HLCS: variants seen among roughly 807,000 people sequenced by gnomAD.
HLCS encodes the protein biotin--protein ligase.
In HLCS, 53 loss-of-function variants were observed where a neutral mutation model predicts 75.0. That is an observed-to-expected ratio of 0.71 (90% CI 0.57 to 0.89). The LOEUF (loss-of-function observed/expected upper bound fraction) is 0.89, where lower values mean the gene tolerates loss of function less well. Among genes scored for constraint, HLCS ranks in the 40% least tolerant of loss-of-function variants. HLCS has a pLI of 0.00. For missense variants in HLCS, 966 were observed against 1,074.0 expected (o/e 0.90, Z 1.41); for synonymous variants, 431 against 428.6 (o/e 1.01, Z -0.07).
intron 2 of HLCS, among the ~76,000 whole-genome samples, chr21:36,959,163 T>C (rs1024921018): frequency 3.3e-5 from 5 of 152,214 alleles, no homozygotes; most frequent in African/African-American, 1.2e-4. Flanking sequence ...CCCCACAGGC[T>C]TGGAAGTGCC....
At chr21:36,760,220 A>C (rs1843156824) in intron 8 of HLCS, among the ~76,000 whole-genome samples, 1 of 152,170 alleles carries the variant, frequency 6.6e-6, no homozygotes, top group Non-Finnish European at 1.5e-5. Context: ...AGAGAATAGT[A>C]ATCTCAGGGG....
chr21:36,938,944 A>T lies in HLCS; in HGVS notation c.381T>A (p.Asp127Glu). ...CCLPLACRPG[D>E]PYRLIAEASV... ...TTGCTTCAGCAATTAGCCGATAAGGATCCCCAGGTCTGCAAGCTAATGGCA... is the reference window on the plus strand; with the variant it reads ...TTGCTTCAGCAATTAGCCGATAAGGTTCCCCAGGTCTGCAAGCTAATGGCA... Residue 127 changes from aspartate to glutamate, a missense_variant, in exon 3 of 11, where the codon GAT becomes GAA. Coordinates refer to ENST00000674895, the MANE Select transcript of HLCS (RefSeq NM_001352514.2). 1 of 1,613,252 alleles carries T rather than the reference A, an allele frequency of 6.2e-7. No homozygotes were observed. Among genetic ancestry groups the T allele is most frequent in the Non-Finnish European group, 8.5e-7 (1 of 1,180,012 alleles).
At chr21:36,945,757 G>A (rs1038112874) in intron 2 of HLCS, among the ~76,000 whole-genome samples, 1 of 152,194 alleles carries the variant, frequency 6.6e-6, no homozygotes. Context: ...ACAACTTTGT[G>A]AATATACTAA....
chr21:36,980,095 G>A (rs2069072804), intron 1 of HLCS, among the ~76,000 whole-genome samples: 1 of 146,788 alleles, frequency 6.8e-6, no homozygotes. Context: ...GGCTGAAAAG[G>A]GAGGATTGCT....
At chr21:36,969,065 C>G (rs1285175863), upstream of HLCS, among the ~76,000 whole-genome samples, 1 of 152,084 alleles carries the variant, frequency 6.6e-6, no homozygotes, top group Non-Finnish European at 1.5e-5. Context: ...ATGAGCTGAC[C>G]CTTGCATTGA....
chr21:36,888,432 TAAAAAAA>T (rs1191691491), intron 6 of HLCS, among the ~76,000 whole-genome samples: 31 of 23,768 alleles, frequency 1.3e-3, no homozygotes, highest in South Asian at 4.4e-3. Flanking sequence ...CCTTCCCATT[TAAAAAAA>T]AAAAAAATAT....
At chr21:36,841,950 AT>A (rs746898803) in intron 6 of HLCS, among the ~76,000 whole-genome samples, 3 of 152,222 alleles carry the variant, frequency 2.0e-5, no homozygotes, top group Non-Finnish European at 4.4e-5. Context: ...TGACATATGC[AT>A]ACCTCACAAC....
intron 5 of HLCS, among the ~76,000 whole-genome samples, chr21:36,926,821 C>G (rs374057821): frequency 2.0e-5 from 3 of 148,880 alleles, no homozygotes; most frequent in African/African-American, 7.4e-5. Flanking sequence ...TAGCTCACTA[C>G]AGCCTCAACC....
intron 1 of HLCS, among the ~76,000 whole-genome samples, chr21:36,984,146 AT>A (rs904738982): frequency 6.6e-6 from 1 of 152,092 alleles, no homozygotes; most frequent in African/African-American, 2.4e-5. Context: ...GCCAAGAATG[AT>A]TTTTTTAAAT....
chr21:36,961,950 T>G (rs1380125795), intron 2 of HLCS, 86 bp downstream of exon 2: 3 of 721,590 alleles, frequency 4.2e-6, no homozygotes, highest in Non-Finnish European at 5.6e-6. Flanking sequence ...CAAGACTCTG[T>G]CTCAGGAAAA....
chr21:36,881,695 A>C (rs911527413), intron 6 of HLCS, among the ~76,000 whole-genome samples: 1 of 152,226 alleles, frequency 6.6e-6, no homozygotes, highest in Non-Finnish European at 1.5e-5. Flanking sequence ...TGAAAAGAAA[A>C]GAACTGTCCT....
intron 6 of HLCS, among the ~76,000 whole-genome samples, chr21:36,896,357 C>G (rs61128484): frequency 0.03 from 4,529 of 152,270 alleles, 196 homozygotes; most frequent in East Asian, 0.21. Context: ...CTCAATCAAT[C>G]AATCAATGAA....
At chr21:36,889,611 T>C (rs938589494) in intron 6 of HLCS, among the ~76,000 whole-genome samples, 1 of 152,212 alleles carries the variant, frequency 6.6e-6, no homozygotes, top group Non-Finnish European at 1.5e-5. Flanking sequence ...TTGCAGTGGC[T>C]GGTCCACACC....
chr21:36,834,030 T>C (rs1245087780), intron 6 of HLCS, among the ~76,000 whole-genome samples: 2 of 152,188 alleles, frequency 1.3e-5, no homozygotes, highest in African/African-American at 4.8e-5. Flanking sequence ...AAATATAGTA[T>C]TGGTGGGACG....
At chr21:36,893,703 T>G (rs559411798) in intron 6 of HLCS, among the ~76,000 whole-genome samples, 33 of 152,218 alleles carry the variant, frequency 2.2e-4, no homozygotes, top group Non-Finnish European at 4.1e-4. Flanking sequence ...AATCTAATGC[T>G]GCCGCTGATC....
intron 6 of HLCS, among the ~76,000 whole-genome samples, chr21:36,791,609 T>G (rs566538508): frequency 6.6e-6 from 1 of 152,186 alleles, no homozygotes; most frequent in Admixed American, 6.5e-5. Context: ...TGTAACCTAC[T>G]CTAGGTGGGT....
chr21:36,972,575 T>G (rs117352070), intron 1 of HLCS, among the ~76,000 whole-genome samples: 49 of 152,324 alleles, frequency 3.2e-4, no homozygotes, highest in East Asian at 1.4e-3. Flanking sequence ...ACTAGGACAG[T>G]AACTGTACAG....
At chr21:36,823,666 C>T (rs935889531) in intron 6 of HLCS, among the ~76,000 whole-genome samples, 6 of 129,160 alleles carry the variant, frequency 4.6e-5, no homozygotes, top group African/African-American at 2.0e-4. Context: ...TGCTTCAGGG[C>T]AAGGCATGTG....
chr21:36,936,347 G>A (rs576084660), intron 4 of HLCS, 102 bp downstream of exon 4: 35 of 1,044,626 alleles, frequency 3.4e-5, no homozygotes, highest in Admixed American at 6.7e-5. Context: ...CGCAGCACAC[G>A]AACTCCTGAA....
Sources: allele counts gnomAD v4.1 joint callset (sites outside exome capture counted in the v4.1 genomes callset), GRCh38; gene constraint gnomAD v4.1.1; transcripts MANE v1.5; gene names NCBI Gene and HGNC (gene_info 2026-07-23, HGNC 2026-07-21).